The following HMCN2 variants were observed in gnomAD, a reference collection of about 807,000 sequenced individuals.
HMCN2 encodes the protein hemicentin-2.
In HMCN2, 325 loss-of-function variants were observed where a neutral mutation model predicts 377.5. That is an observed-to-expected ratio of 0.86 (90% confidence interval 0.79 to 0.94). The LOEUF (loss-of-function observed/expected upper bound fraction) is 0.94. Among genes scored for constraint, HMCN2 ranks in the 40% least tolerant of loss-of-function variants. The pLI, the probability that HMCN2 is intolerant of heterozygous loss-of-function variation, is 0.00. For synonymous variants in HMCN2, 2,007 were observed against 2,046.8 expected, an observed-to-expected ratio of 0.98 and a Z score of 0.53; for missense variants, 4,543 against 4,725.3, an observed-to-expected ratio of 0.96 and a Z score of 1.13.
chr9:130,392,743 A>G (rs1180962144), intron 66 of HMCN2, among the ~76,000 whole-genome samples: 2 of 141,718 alleles, frequency 1.4e-5, no homozygotes, highest in African/African-American at 5.3e-5. Context: ...CACGCCTGTA[A>G]TCCAGCACTT....
chr9:130,396,086 C>T, intron 72 of HMCN2, 21 bp downstream of exon 72: 1 of 1,244,810 alleles, frequency 8.0e-7, no homozygotes, highest in Non-Finnish European at 1.0e-6. Flanking sequence ...CCCGCCCCAC[C>T]CCACCCTGCC....
Position 130,265,870 on chromosome 9 carries a change from G to A in HMCN2, c.-9G>A. 1 of 346,494 alleles carries A rather than the reference G, an allele frequency of 2.9e-6. No homozygotes were observed. Among genetic ancestry groups the A allele is most frequent in the Admixed American group, 3.9e-5 (1 of 25,474 alleles). 21.5% of individuals were successfully genotyped at this position (346,494 alleles called of 1,614,324 possible). On this transcript the variant is annotated 5_prime_UTR_variant, in exon 1 of 98. Transcript: ENST00000683500. The stretch of plus-strand genomic sequence containing the variant: ...CACCGCAGCACCCGCAGCCAGAGCC[G>A]CGCTCGGCATGATGCCCGGGGCGCC...
chr9:130,375,986 C>CT lies in HMCN2; in HGVS notation c.7916dup (p.Ile2640HisfsTer32), dbSNP rs1841356015. The CT allele has an allele frequency of 1.0e-6, 1 of 985,138 alleles. No homozygotes were observed. The highest frequency in any genetic ancestry group is 1.2e-6 in the Non-Finnish European group (1 of 829,428). 61.0% of individuals were successfully genotyped at this position (985,138 alleles called of 1,614,324 possible). The stretch of plus-strand genomic sequence containing the variant: ...CGTGAAAAACTACCATGTGGAAGTG[C>CT]TCAGTGAGTCGGGGACCCTGGGGCA... On this transcript the variant is annotated frameshift_variant, in exon 51 of 98. Coordinates refer to ENST00000683500, the MANE Select transcript of HMCN2 (RefSeq NM_001291815.2). LOFTEE classifies it high-confidence loss of function.
At chr9:130,344,741 T>C (rs1365588672) in intron 25 of HMCN2, among the ~76,000 whole-genome samples, 2 of 148,192 alleles carry the variant, frequency 1.3e-5, no homozygotes, top group African/African-American at 5.0e-5. Context: ...GAATGTGTGG[T>C]GTGTGTGTGT....
chr9:130,414,910 T>C lies in HMCN2; in HGVS notation c.12962-3862T>C, dbSNP rs1843604476. 6.6e-6 allele frequency among the ~76,000 whole-genome samples: 1 copy of C among 152,044 alleles called. No individual in the cohort carries two copies. The highest frequency in any genetic ancestry group is 1.5e-5 in the Non-Finnish European group (1 of 67,992). Reference sequence around the variant, plus strand: ...GATTACAGGCATGAACCACTGTGCCTGACCAAGACTGAACTGTCACCACTG... The same window carrying C: ...GATTACAGGCATGAACCACTGTGCCCGACCAAGACTGAACTGTCACCACTG... On this transcript the variant is annotated intron_variant, in intron 85 of 97. Transcript: ENST00000683500. The surrounding 1 kb of genome is among the most constrained non-coding windows in gnomAD (Gnocchi z 4.4).
At chr9:130,403,007 CG>C in intron 78 of HMCN2, 111 bp downstream of exon 78, 9 of 1,013,528 alleles carry the variant, frequency 8.9e-6, no homozygotes, top group Non-Finnish European at 1.0e-5. Flanking sequence ...TCAGAGGCCC[CG>C]ACCTGTCTCC....
chr9:130,395,389 G>T lies in HMCN2; in HGVS notation c.10911+42G>T, dbSNP rs750351614. 6 of 1,258,402 alleles carry T rather than the reference G, an allele frequency of 4.8e-6. No individual in the cohort carries two copies. The South Asian group carries it at 6.6e-5, about 14-fold the overall frequency. 78.0% of individuals were successfully genotyped at this position (1,258,402 alleles called of 1,614,324 possible). A position where few individuals can be genotyped will look rare whatever the true frequency, so the allele number is the denominator to read the frequency against. The stretch of plus-strand genomic sequence containing the variant: ...GCCCCAGGGTGCTGCCTTCTGTCCC[G>T]CTCAGGCCTCAGACCTGACCTGGCC... On this transcript the variant is annotated intron_variant, in intron 71 of 97. Transcript: ENST00000683500.
chr9:130,432,220 G>T (rs754662364), intron 96 of HMCN2, among the ~76,000 whole-genome samples: 1 of 152,146 alleles, frequency 6.6e-6, no homozygotes, highest in African/African-American at 2.4e-5. Context: ...CCACCTACAC[G>T]CCCTGGAAAG....
At position 130,407,818 on chromosome 9, in the gene HMCN2, C is replaced by T. The variant is rs971342171; in HGVS notation, c.12688+113C>T. 11 of 775,038 alleles carry T rather than the reference C, an allele frequency of 1.4e-5. No homozygotes were observed. In the East Asian group the frequency reaches 1.2e-3, roughly 81 times the overall value. 48.0% of individuals were successfully genotyped at this position (775,038 alleles called of 1,614,324 possible). A position where few individuals can be genotyped will look rare whatever the true frequency, so the allele number is the denominator to read the frequency against. Reference sequence around the variant, plus strand: ...TGTCCTCTGAACTAGTGGTTCCCCACCCTGGCTGCATGTTAGAATCCCCTG... The same window carrying T: ...TGTCCTCTGAACTAGTGGTTCCCCATCCTGGCTGCATGTTAGAATCCCCTG... On this transcript the variant is annotated intron_variant, in intron 83 of 97. Coordinates refer to ENST00000683500, the MANE Select transcript of HMCN2 (RefSeq NM_001291815.2).
At chr9:130,385,946 G>A (rs1242697903) in intron 60 of HMCN2, among the ~76,000 whole-genome samples, 184 bp downstream of exon 60, 1 of 152,164 alleles carries the variant, frequency 6.6e-6, no homozygotes, top group Non-Finnish European at 1.5e-5. Flanking sequence ...CAGGGCTCTG[G>A]AGTCACGTTC....
chr9:130,374,427 T>C (rs1018254853), intron 48 of HMCN2, 75 bp from the exon 49 acceptor site: 6 of 760,890 alleles, frequency 7.9e-6, no homozygotes, highest in Non-Finnish European at 9.6e-6. Context: ...CTGATCCATC[T>C]GGGAGCAGCC....
intron 75 of HMCN2, among the ~76,000 whole-genome samples, chr9:130,399,250 CA>C (rs35123847): frequency 0.36 from 27,953 of 77,074 alleles, 2,357 homozygotes; most frequent in African/African-American, 0.45. Flanking sequence ...GAGACTGTCT[CA>C]AAAAAAAAAA....
chr9:130,419,999 A>G (rs1203483088), intron 86 of HMCN2, among the ~76,000 whole-genome samples: 1 of 148,888 alleles, frequency 6.7e-6, no homozygotes, highest in African/African-American at 2.5e-5. Context: ...CCAGCCAGAG[A>G]TGCAGTCTCA....
At chr9:130,402,987 GC>G (rs2131722030) in intron 78 of HMCN2, 91 bp downstream of exon 78, 1 of 1,078,376 alleles carries the variant, frequency 9.3e-7, no homozygotes. Flanking sequence ...TGGAGGTGAG[GC>G]CCCGGGTCTC....
At chr9:130,427,642 G>A (rs1192318878) in intron 92 of HMCN2, 23 bp downstream of exon 92, 1 of 1,544,740 alleles carries the variant, frequency 6.5e-7, no homozygotes, top group Non-Finnish European at 8.7e-7. Flanking sequence ...CCGGGAGGAG[G>A]GAGGAGACGC....
At chr9:130,386,343 C>T (rs1439823257) in intron 60 of HMCN2, 100 bp from the exon 61 acceptor site, 1 of 593,158 alleles carries the variant, frequency 1.7e-6, no homozygotes, top group Non-Finnish European at 2.6e-6. Context: ...TTTGGGAGGC[C>T]CCTGCTCTGG....
Position 130,379,359 on chromosome 9 carries a change from A to C in HMCN2, c.8323A>C (p.Asn2775His). ...GGAATACAGGGAGATCGTGGAGAAC[A>C]ACCCAGCCTACCTGTACTGCGACAC... ...VTEYREIVEN[N>H]PAYLYCDTNA... Residue 2775 changes from asparagine (N) to histidine (H), a missense_variant, in exon 54 of 98, where the codon AAC (asparagine) becomes CAC (histidine). By Grantham distance (68) the Asn-to-His change is moderately conservative (BLOSUM62 1). Transcript: ENST00000683500. 1.0e-6 allele frequency: 1 copy of C among 985,734 alleles called. No homozygotes were observed. The highest frequency in any genetic ancestry group is 1.2e-6 in the Non-Finnish European group (1 of 829,902). The allele number at this position is 985,734 out of a possible 1,614,324, so 61.1% of individuals were successfully genotyped here.
intron 19 of HMCN2, among the ~76,000 whole-genome samples, chr9:130,325,295 C>T (rs1396467702): frequency 6.6e-6 from 1 of 151,830 alleles, no homozygotes; most frequent in African/African-American, 2.4e-5. Flanking sequence ...GGAGTTTCAC[C>T]AAGTTGGCCA....
chr9:130,377,824 G>GT (rs1342755647), intron 53 of HMCN2, 25 bp downstream of exon 53: 2 of 985,852 alleles, frequency 2.0e-6, no homozygotes, highest in East Asian at 2.3e-4. Context: ...TGGGCCAGGG[G>GT]TGGGGCGTCA....
Sources: allele counts gnomAD v4.1 joint callset (sites outside exome capture counted in the v4.1 genomes callset), GRCh38; gene constraint gnomAD v4.1.1; non-coding constraint Gnocchi (gnomAD v3.1); transcripts MANE v1.5; gene names NCBI Gene and HGNC (gene_info 2026-07-23, HGNC 2026-07-21).